The following C2CD3 variants were observed in gnomAD, a reference collection of about 807,000 sequenced individuals.
The protein encoded by C2CD3 is C2 domain containing 3 centriole elongation regulator.
A neutral mutation model predicts 234.0 loss-of-function variants in C2CD3; 148 were observed. The observed-to-expected ratio is 0.63, with a 90% CI of 0.55 to 0.72. The LOEUF is 0.72. Among genes scored for constraint, C2CD3 ranks in the 30% least tolerant of loss-of-function variants. The probability of loss-of-function intolerance (pLI) is 0.00; values close to 1 mark genes in which losing one functional copy is unlikely to be tolerated. For synonymous variants in C2CD3, 1,000 were observed against 1,035.4 expected, an observed-to-expected ratio of 0.97 and a Z score of 0.66; for missense variants, 2,577 against 2,811.5, an observed-to-expected ratio of 0.92 and a Z score of 1.89.
chr11:74,113,961 A>G, intron 10 of C2CD3, 69 bp from the exon 11 acceptor site: 1 of 956,616 alleles, frequency 1.0e-6, no homozygotes, highest in Non-Finnish European at 1.6e-6. Context: ...GATAAATCCA[A>G]CATATATTTG....
intron 3 of C2CD3, among the ~76,000 whole-genome samples, chr11:74,159,682 G>T (rs542706635): frequency 1.3e-5 from 2 of 152,064 alleles, no homozygotes; most frequent in Admixed American, 6.6e-5. Context: ...AGTTTATAAA[G>T]TAAAAAAAGT....
intron 7 of C2CD3, 148 bp downstream of exon 7, chr11:74,132,696 T>G: frequency 1.4e-6 from 1 of 718,060 alleles, no homozygotes; most frequent in South Asian, 2.0e-5. Context: ...GGAGTTTTAT[T>G]TAGTAGGCAA....
rs563220349 is a variant in C2CD3 at position 74,021,986 on chromosome 11, C to T, written c.6921+6301G>A. Among the ~76,000 whole-genome samples, 10 of 152,148 alleles carry T rather than the reference C, an allele frequency of 6.6e-5. No homozygotes were observed. In the East Asian group the frequency reaches 1.4e-3, roughly 21 times the overall value. ...ACTAAAAATACAAAAATTAGCTGGG[C>T]GTGATGGCACGCGCCTATAATCCCA... On this transcript the variant is annotated intron_variant, in intron 32 of 32. Transcript: ENST00000334126.
intron 3 of C2CD3, among the ~76,000 whole-genome samples, chr11:74,156,467 A>G (rs1002517675): frequency 6.7e-6 from 1 of 149,892 alleles, no homozygotes; most frequent in Non-Finnish European, 1.5e-5. Context: ...CTCAAAAAAA[A>G]AAAAAAAAAA....
intron 32 of C2CD3, among the ~76,000 whole-genome samples, chr11:74,021,997 G>A (rs112639093): frequency 4.6e-5 from 7 of 152,128 alleles, no homozygotes; most frequent in African/African-American, 1.2e-4. Context: ...GTGATGGCAC[G>A]CGCCTATAAT....
chr11:74,078,317 G>A lies in C2CD3; in HGVS notation c.4401C>T (p.Phe1467=). 6.2e-7 allele frequency: 1 copy of A among 1,614,160 alleles called. No individual in the cohort carries two copies. The change falls in exon 23 of 33, where the codon TTC becomes TTT. Residue 1467 remains phenylalanine (F), a synonymous_variant. Coordinates refer to ENST00000334126, the MANE Select transcript of C2CD3 (RefSeq NM_001286577.2). ...SVNKKQIMVT[F]KASKRAEVTR... Reference sequence around the variant, plus strand: ...TGACTTCTGCTCTTTTGGATGCCTTGAAAGTGACCATAATCTGCTTTTTGT... The same window carrying A: ...TGACTTCTGCTCTTTTGGATGCCTTAAAAGTGACCATAATCTGCTTTTTGT...
chr11:74,137,538 T>C (rs969501963), intron 5 of C2CD3, among the ~76,000 whole-genome samples: 2 of 78,580 alleles, frequency 2.5e-5, no homozygotes, highest in African/African-American at 8.3e-5. Context: ...TTGGAGTGTA[T>C]ATATATATAT....
At chr11:74,079,398 G>GT (rs917037965) in intron 22 of C2CD3, among the ~76,000 whole-genome samples, 25 of 150,620 alleles carry the variant, frequency 1.7e-4, no homozygotes, top group Admixed American at 2.7e-4. Context: ...GGGTTTGTTT[G>GT]TTTTTTTTTG....
chr11:74,042,992 C>T (rs77645753), intron 28 of C2CD3, among the ~76,000 whole-genome samples: 4,908 of 152,180 alleles, frequency 0.032, 104 homozygotes, highest in Non-Finnish European at 0.051. Context: ...TTTAATTCAC[C>T]GCTTTATTGA....
chr11:74,048,388 G>GT (rs1477498442), intron 27 of C2CD3, 50 bp from the exon 28 acceptor site: 2 of 1,586,800 alleles, frequency 1.3e-6, no homozygotes, highest in South Asian at 1.1e-5. Context: ...AAACCCATTC[G>GT]TAACAAAGCA....
rs1855405711 is a variant in C2CD3 at position 74,148,962 on chromosome 11, A to G, written c.484-9134T>C. 2.0e-5 allele frequency among the ~76,000 whole-genome samples: 3 copies of G among 150,526 alleles called. No individual in the cohort carries two copies. In the South Asian group the frequency reaches 6.3e-4, roughly 32 times the overall value. On this transcript the variant is annotated intron_variant, in intron 3 of 32. Coordinates refer to ENST00000334126, the MANE Select transcript of C2CD3 (RefSeq NM_001286577.2). ...AACACATGCACATTTAGATTCAAAC[A>G]GTTCGATAATTTTGTTACATAAAAC...
Position 74,123,031 on chromosome 11 carries a change from T to C in C2CD3, c.1322A>G (p.Gln441Arg). The C allele has an allele frequency of 6.2e-7, 1 of 1,613,484 alleles. No individual in the cohort carries two copies. Among genetic ancestry groups the C allele is most frequent in the Non-Finnish European group, 8.5e-7 (1 of 1,179,438 alleles). The change falls in exon 8 of 33, where the codon CAG (glutamine) becomes CGG (arginine). Residue 441 changes from glutamine (Q) to arginine (R), a missense_variant. Physicochemically the swap from Gln to Arg is conservative, Grantham distance 43. Transcript: ENST00000334126. Reference sequence around the variant, plus strand: ...ATTCTCCAGAAGACTCTGGTCATACTGAGGGTCATTCAGCTCACTGATGCA... The same window carrying C: ...ATTCTCCAGAAGACTCTGGTCATACCGAGGGTCATTCAGCTCACTGATGCA... Reference protein sequence around the residue: ...VYCISELNDPQYDQSLLENLF... With the variant: ...VYCISELNDPRYDQSLLENLF...
intron 28 of C2CD3, among the ~76,000 whole-genome samples, chr11:74,043,306 A>C (rs543631841): frequency 6.6e-6 from 1 of 152,372 alleles, no homozygotes; most frequent in African/African-American, 2.4e-5. Context: ...TCTGTAGTAC[A>C]GCATGTATCA....
chr11:74,145,982 C>G (rs959424635), intron 3 of C2CD3, among the ~76,000 whole-genome samples: 2 of 152,070 alleles, frequency 1.3e-5, no homozygotes, highest in African/African-American at 2.4e-5. Flanking sequence ...AAGAATATTT[C>G]TAATGGTAAA....
intron 32 of C2CD3, among the ~76,000 whole-genome samples, chr11:74,022,863 C>A (rs1297771619): frequency 1.3e-5 from 2 of 152,240 alleles, no homozygotes; most frequent in African/African-American, 4.8e-5. Flanking sequence ...ATCGTTCTCA[C>A]CCCTTTTCTT....
At chr11:74,144,296 C>A (rs1170829135) in intron 3 of C2CD3, among the ~76,000 whole-genome samples, 1 of 152,136 alleles carries the variant, frequency 6.6e-6, no homozygotes, top group East Asian at 1.9e-4. Flanking sequence ...CAATTCTCTG[C>A]AAGCCTGGAT....
chr11:74,069,372 A>AC (rs924442891), intron 24 of C2CD3, among the ~76,000 whole-genome samples: 3 of 152,162 alleles, frequency 2.0e-5, no homozygotes, highest in African/African-American at 7.2e-5. Context: ...AGGCTGCTAT[A>AC]CCCCCCACAG....
chr11:74,116,924 A>G (rs1956971569), intron 9 of C2CD3, among the ~76,000 whole-genome samples: 1 of 122,176 alleles, frequency 8.2e-6, no homozygotes, highest in South Asian at 2.4e-4. Context: ...ATATACATAT[A>G]CACGTGTATA....
At chr11:74,026,201 G>A (rs150205837) in intron 32 of C2CD3, among the ~76,000 whole-genome samples, 164 of 152,224 alleles carry the variant, frequency 1.1e-3, no homozygotes, top group African/African-American at 3.6e-3. Flanking sequence ...CTAGCTACTC[G>A]AGAGGCTGAG....
Sources: gnomAD v4.1 joint callset for allele counts (sites outside exome capture counted in the v4.1 genomes callset) on GRCh38, gnomAD v4.1.1 for gene constraint, MANE v1.5 for transcripts, NCBI Gene and HGNC (gene_info 2026-07-23, HGNC 2026-07-21) for gene names.